BCL7B: variants seen among roughly 807,000 people sequenced by gnomAD.
BCL7B encodes the protein BAF chromatin remodeling complex subunit BCL7B.
Under a neutral mutation model 26.5 loss-of-function variants are expected in BCL7B, and 11 were observed. The observed-to-expected ratio is 0.42, with a 90% confidence interval of 0.26 to 0.69. The LOEUF (loss-of-function observed/expected upper bound fraction) is 0.69. Ranked by LOEUF, BCL7B falls within the 30% of genes least tolerant of loss-of-function variation. BCL7B has a pLI of 0.28. For synonymous variants in BCL7B, 111 were observed against 107.9 expected (o/e 1.03, Z -0.18); for missense variants, 215 against 264.4 (o/e 0.81, Z 1.30).
intron 1 of BCL7B, among the ~76,000 whole-genome samples, chr7:73,553,380 A>G (rs1453842598): frequency 6.6e-6 from 1 of 152,080 alleles, no homozygotes; most frequent in Non-Finnish European, 1.5e-5. Context: ...TGCATAAAGA[A>G]AAAGAAAACT....
intron 2 of BCL7B, among the ~76,000 whole-genome samples, chr7:73,544,459 T>G (rs1262086799): frequency 6.7e-6 from 1 of 148,214 alleles, no homozygotes; most frequent in South Asian, 2.1e-4. Context: ...AATAAATAAA[T>G]AAATAAAAAT....
intron 4 of BCL7B, among the ~76,000 whole-genome samples, chr7:73,538,967 C>T (rs1554582490): frequency 1.3e-5 from 2 of 151,912 alleles, no homozygotes; most frequent in African/African-American, 4.8e-5. Flanking sequence ...TAACCTTTCT[C>T]TGTTTTTTTT....
chr7:73,557,103 A>C (rs1178229413), intron 1 of BCL7B: 2 of 991,746 alleles, frequency 2.0e-6, no homozygotes, highest in Non-Finnish European at 2.4e-6. Flanking sequence ...CTCCAGGGCT[A>C]CTCGCTATTA....
chr7:73,539,790 T>C (rs1791684273), intron 4 of BCL7B, 92 bp downstream of exon 4: 2 of 1,470,872 alleles, frequency 1.4e-6, no homozygotes, highest in Admixed American at 3.9e-5. Context: ...TCTGAGGTGC[T>C]CTCTCGAGCC....
At chr7:73,538,815 T>TAAAAAAAAAAAA (rs1159395373) in intron 4 of BCL7B, among the ~76,000 whole-genome samples, 1 of 94,564 alleles carries the variant, frequency 1.1e-5, no homozygotes, top group Non-Finnish European at 2.2e-5. Flanking sequence ...CCTATCTCTT[T>TAAAAAAAAAAAA]AAAAAAAAAA....
At chr7:73,556,645 G>A (rs1792370546) in intron 1 of BCL7B, among the ~76,000 whole-genome samples, 1 of 152,090 alleles carries the variant, frequency 6.6e-6, no homozygotes, top group Non-Finnish European at 1.5e-5. Flanking sequence ...TTTTAGACAC[G>A]GGGTCTCTCT....
Position 73,539,953 on chromosome 7 carries a change from C to T in BCL7B, c.365G>A (p.Ser122Asn). The T allele has an allele frequency of 6.2e-7, 1 of 1,614,084 alleles. No homozygotes were observed. ...SPSPQQSESL[S>N]PAHTSDFRTD... ...GCGGAAGTCGGAGGTGTGTGCTGGG[C>T]TCAGGGACTCACTCTGCTGGGGGCT... The change falls in exon 4 of 6, where the codon AGC becomes AAC. Residue 122 changes from serine (S) to asparagine (N), a missense_variant. Transcript: ENST00000223368.
chr7:73,539,820 CACA>C, intron 4 of BCL7B, 59 bp downstream of exon 4: 6 of 1,577,686 alleles, frequency 3.8e-6, no homozygotes, highest in Admixed American at 3.4e-5. Flanking sequence ...AAAGACGAGA[CACA>C]ACAAGAGCAG....
At chr7:73,538,910 C>T (rs1392249894) in intron 4 of BCL7B, among the ~76,000 whole-genome samples, 1 of 151,180 alleles carries the variant, frequency 6.6e-6, no homozygotes, top group Non-Finnish European at 1.5e-5. Flanking sequence ...AAGTGACATT[C>T]ATTCCAACAG....
chr7:73,556,858 G>A (rs2115842200), intron 1 of BCL7B, among the ~76,000 whole-genome samples: 1 of 152,314 alleles, frequency 6.6e-6, no homozygotes, highest in African/African-American at 2.4e-5. Flanking sequence ...GCAGAAGCAG[G>A]GAAATTAGAG....
chr7:73,543,523 AG>A, intron 3 of BCL7B, 24 bp downstream of exon 3: 1 of 1,598,390 alleles, frequency 6.3e-7, no homozygotes, highest in Non-Finnish European at 8.6e-7. Context: ...TTCTCCTGCA[AG>A]GAAGACACAG....
chr7:73,539,906 T>A lies in BCL7B; in HGVS notation c.412A>T (p.Thr138Ser), dbSNP rs369402294. 5 of 1,613,724 alleles carry A rather than the reference T, an allele frequency of 3.1e-6. No individual in the cohort carries two copies. Among genetic ancestry groups the A allele is most frequent in the Non-Finnish European group, 4.2e-6 (5 of 1,179,974 alleles). Residue 138 changes from threonine (T) to serine (S), a missense_variant, in exon 4 of 6, where the codon ACG becomes TCG. By Grantham distance (58) the Thr-to-Ser change is moderately conservative. Coordinates refer to ENST00000223368, the MANE Select transcript of BCL7B (RefSeq NM_001707.4). ...CCCTCCAGGATCTCCTGGCCCAGCG[T>A]TGGGGGCTGGGAGTCATCCGTGCGG... ...DFRTDDSQPPTLGQEILEEPS... is the reference protein window; with the variant it reads ...DFRTDDSQPPSLGQEILEEPS...
intron 1 of BCL7B, among the ~76,000 whole-genome samples, chr7:73,552,482 TAAA>T (rs1169649742): frequency 7.0e-6 from 1 of 143,402 alleles, no homozygotes; most frequent in South Asian, 2.2e-4. Context: ...ACCTCATCTC[TAAA>T]AAAAAAATAC....
chr7:73,547,308 T>C (rs1554583573), intron 2 of BCL7B, among the ~76,000 whole-genome samples: 1 of 149,148 alleles, frequency 6.7e-6, no homozygotes, highest in East Asian at 2.0e-4. Flanking sequence ...ACAAATAATT[T>C]AAAAGTTTGC....
At chr7:73,553,364 T>C (rs1792248611) in intron 1 of BCL7B, among the ~76,000 whole-genome samples, 1 of 152,008 alleles carries the variant, frequency 6.6e-6, no homozygotes, top group Non-Finnish European at 1.5e-5. Flanking sequence ...TCTGGGTTAC[T>C]AAGACTGCAT....
chr7:73,553,067 G>A (rs971560603), intron 1 of BCL7B, among the ~76,000 whole-genome samples: 8 of 151,592 alleles, frequency 5.3e-5, no homozygotes, highest in African/African-American at 9.7e-5. Flanking sequence ...GACTAGAGGC[G>A]CACACCACCA....
chr7:73,554,186 C>T (rs1459868024), intron 1 of BCL7B, among the ~76,000 whole-genome samples: 2 of 151,758 alleles, frequency 1.3e-5, no homozygotes, highest in African/African-American at 4.8e-5. Flanking sequence ...TGATCTTGAA[C>T]TCCTGGGCTC....
intron 2 of BCL7B, among the ~76,000 whole-genome samples, chr7:73,546,057 A>G (rs1554583450): frequency 6.7e-6 from 1 of 150,270 alleles, no homozygotes; most frequent in Non-Finnish European, 1.5e-5. Flanking sequence ...GCGTGAACCC[A>G]GGAGGCAGAG....
chr7:73,543,747 G>T, intron 2 of BCL7B, 103 bp from the exon 3 acceptor site: 27 of 845,510 alleles, frequency 3.2e-5, no homozygotes, highest in East Asian at 2.8e-5. Context: ...GATTAGGACT[G>T]AACAGGAAAA....
Sources: gnomAD v4.1 joint callset for allele counts (sites outside exome capture counted in the v4.1 genomes callset) on GRCh38, gnomAD v4.1.1 for gene constraint, MANE v1.5 for transcripts, NCBI Gene and HGNC (gene_info 2026-07-23, HGNC 2026-07-21) for gene names.